Variants in ZNF443 observed in about 807,000 individuals in gnomAD.
ZNF443 encodes the protein zinc finger protein 443.
ZNF443 carries 3 observed loss-of-function variants against 12.0 expected under a neutral mutation model. The observed-to-expected ratio is 0.25, with a 90% CI of 0.11 to 0.64. ZNF443 has a LOEUF of 0.64. ZNF443 is among the 30% of genes least tolerant of loss of function. The pLI is 0.84. For synonymous variants in ZNF443, 225 were observed against 265.9 expected, an observed-to-expected ratio of 0.85 and a Z score of 1.50; for missense variants, 770 against 808.8, an observed-to-expected ratio of 0.95 and a Z score of 0.58.
At chr19:12,437,376 C>G (rs1305587990) in intron 1 of ZNF443, among the ~76,000 whole-genome samples, 3 of 149,062 alleles carry the variant, frequency 2.0e-5, no homozygotes, top group Non-Finnish European at 4.4e-5. Context: ...CCACTGCACT[C>G]TAGCCTAGGT....
chr19:12,430,760 T>A lies in ZNF443; in HGVS notation c.1412A>T (p.His471Leu). 4 of 1,613,528 alleles carry A rather than the reference T, an allele frequency of 2.5e-6. No homozygotes were observed. The highest frequency in any genetic ancestry group is 3.4e-6 in the Non-Finnish European group (4 of 1,179,560). Residue 471 changes from histidine to leucine, a missense_variant, in exon 4 of 4, where the codon CAT becomes CTT. Around this residue, in one of 3 missense-constraint regions of ZNF443, gnomAD observed 736 missense variants for 689.4 expected, o/e 1.07. Coordinates refer to ENST00000301547, the MANE Select transcript of ZNF443 (RefSeq NM_005815.5). ...GCATTTATAGGGTTTCTCTCCAGTA[T>A]GAGTTGTTTCATGCCTTCGAAGGGA... ...SSSLRRHETT[H>L]TGEKPYKCKL...
Position 12,431,229 on chromosome 19 carries a change from C to T in ZNF443, c.943G>A (p.Gly315Arg). Residue 315 changes from glycine (G) to arginine (R), a missense_variant, in exon 4 of 4, where the codon GGG becomes AGG. By Grantham distance (125) the Gly-to-Arg change is moderately radical. Coordinates refer to ENST00000301547, the MANE Select transcript of ZNF443 (RefSeq NM_005815.5). ...GAACCGGAAACACTGAAGGCTTTCC[C>T]ACATTGTTTACATGTATAGGGTTTC... ...GEKPYTCKQC[G>R]KAFSVSGSLQ... 6.2e-7 allele frequency: 1 copy of T among 1,613,976 alleles called. No homozygotes were observed. Among genetic ancestry groups the T allele is most frequent in the Non-Finnish European group, 8.5e-7 (1 of 1,179,940 alleles).
intron 1 of ZNF443, among the ~76,000 whole-genome samples, chr19:12,439,655 T>G (rs1970345406): frequency 6.6e-6 from 1 of 152,004 alleles, no homozygotes; most frequent in Admixed American, 6.6e-5. Flanking sequence ...CCCAGCTAAT[T>G]TTATTATTAT....
chr19:12,431,323 A>T lies in ZNF443; in HGVS notation c.849T>A (p.Cys283Ter). 1 of 1,614,150 alleles carries T rather than the reference A, an allele frequency of 6.2e-7. No homozygotes were observed. Among genetic ancestry groups the T allele is most frequent in the Non-Finnish European group, 8.5e-7 (1 of 1,179,990 alleles). The change falls in exon 4 of 4, where the codon TGT becomes TGA. Residue 283 changes from cysteine to a stop codon, truncating the protein, a stop_gained. Transcript: ENST00000301547. LOFTEE classifies it low-confidence loss of function (END_TRUNC). The stretch of plus-strand genomic sequence containing the variant: ...CAGGGAAGGCTTTAGAACACTGCTT[A>T]CATTTATATGGTTTCTCCCCAGTAT... Reference protein sequence around the residue: ...RTHTGEKPYKCKQCSKAFPDS... With the variant: ...RTHTGEKPYK
At position 12,430,491 on chromosome 19, in the gene ZNF443, C is replaced by G; in HGVS notation, c.1681G>C (p.Glu561Gln). The G allele has an allele frequency of 2.5e-6, 4 of 1,614,172 alleles. No individual in the cohort carries two copies. The South Asian group carries it at 4.4e-5, about 18-fold the overall frequency. ...AATGCTTTCCCACATTCCTTACATT[C>G]ATACGGCTTCTCTCCAGAGTGAATT... ...ERIHSGEKPY[E>Q]CKECGKAFSW... Residue 561 changes from glutamate to glutamine, a missense_variant, in exon 4 of 4, where the codon GAA becomes CAA. Physicochemically the swap from Glu to Gln is conservative, Grantham distance 29. Coordinates refer to ENST00000301547, the MANE Select transcript of ZNF443 (RefSeq NM_005815.5).
chr19:12,433,574 C>T (rs536928479), intron 1 of ZNF443, among the ~76,000 whole-genome samples: 13 of 152,250 alleles, frequency 8.5e-5, no homozygotes, highest in African/African-American at 3.1e-4. Flanking sequence ...CGTGTCCTTA[C>T]AAATGCTTTT....
intron 1 of ZNF443, among the ~76,000 whole-genome samples, chr19:12,440,147 C>T (rs1421702097): frequency 6.6e-6 from 1 of 151,902 alleles, no homozygotes; most frequent in African/African-American, 2.4e-5. Context: ...GACTCGTCGT[C>T]ACCGTGCAGC....
At chr19:12,432,307 C>A (rs74181652) in intron 3 of ZNF443, 70 bp downstream of exon 3, 3 of 1,313,412 alleles carry the variant, frequency 2.3e-6, no homozygotes. Context: ...TTCTTTGCTT[C>A]TTTTTAAATT....
chr19:12,436,876 A>G (rs1160939552), intron 1 of ZNF443, among the ~76,000 whole-genome samples: 6 of 83,202 alleles, frequency 7.2e-5, no homozygotes. Context: ...ATTGGATATC[A>G]TAAAGGTTTG....
At chr19:12,436,508 T>C (rs1970310428) in intron 1 of ZNF443, among the ~76,000 whole-genome samples, 1 of 151,700 alleles carries the variant, frequency 6.6e-6, no homozygotes, top group East Asian at 1.9e-4. Flanking sequence ...AATTTAGCCA[T>C]ATAGAATTTA....
intron 1 of ZNF443, among the ~76,000 whole-genome samples, chr19:12,437,876 G>A (rs1432463410): frequency 1.3e-5 from 2 of 151,732 alleles, no homozygotes; most frequent in Admixed American, 6.6e-5. Context: ...TGGATTGCCC[G>A]AGGTCAGGAG....
intron 1 of ZNF443, among the ~76,000 whole-genome samples, chr19:12,434,770 T>C (rs1398861187): frequency 6.6e-6 from 1 of 152,032 alleles, no homozygotes; most frequent in Non-Finnish European, 1.5e-5. Context: ...GTAGAGTTTT[T>C]ATTTGTCCTT....
chr19:12,437,416 A>AAAAAAGAAAGAAAG (rs367738853), intron 1 of ZNF443, among the ~76,000 whole-genome samples: 9 of 146,752 alleles, frequency 6.1e-5, no homozygotes, highest in African/African-American at 2.3e-4. Flanking sequence ...TCAAAAAAAA[A>AAAAAAGAAAGAAAG]AAAGAAACAA....
In ZNF443 at chr19:12,430,060, T is replaced by G; in HGVS notation, c.*96A>C. ...CTTAAGGCTTTACCAAGTGCTTACA[T>G]TCACAGGGTCTATCTCCAATGTGTT... is the stretch of plus-strand genomic sequence containing the variant. On this transcript the variant is annotated 3_prime_UTR_variant, in exon 4 of 4. Transcript: ENST00000301547. 6.3e-7 allele frequency: 1 copy of G among 1,588,520 alleles called. No homozygotes were observed. The highest frequency in any genetic ancestry group is 8.6e-7 in the Non-Finnish European group (1 of 1,166,944).
rs1970252864 is a variant in ZNF443, at chr19:12,431,431, A to C, written c.741T>G (p.His247Gln). ...YSSYLRHERT[H>Q]TGEKPYECKQ... is the part of the protein sequence containing the mutation. ...TACATTCATACGGTTTCTCCCCAGT[A>C]TGTGTTCTTTCATGTCTTAGATAGG... Residue 247 changes from histidine (H) to glutamine (Q), a missense_variant, in exon 4 of 4, where the codon CAT (histidine) becomes CAG (glutamine). His to Gln is a conservative substitution (Grantham distance 24, BLOSUM62 0). Transcript: ENST00000301547. 1 of 1,613,682 alleles carries C rather than the reference A, an allele frequency of 6.2e-7. No individual in the cohort carries two copies. The highest frequency in any genetic ancestry group is 8.5e-7 in the Non-Finnish European group (1 of 1,179,906).
At position 12,430,601 on chromosome 19, in the gene ZNF443, C is replaced by A. The variant is rs985398532; in HGVS notation, c.1571G>T (p.Arg524Met). Residue 524 changes from arginine (R) to methionine (M), a missense_variant, in exon 4 of 4, where the codon AGG becomes ATG. By Grantham distance (91) the Arg-to-Met change is moderately conservative (BLOSUM62 -1). This residue lies in a region of ZNF443 where 736 missense variants were observed against 689.4 expected (regional missense o/e 1.07). Coordinates refer to ENST00000301547, the MANE Select transcript of ZNF443 (RefSeq NM_005815.5). The part of the protein sequence containing the change: ...SRFRYLSRHK[R>M]THTGEKPYEC... Reference sequence around the variant, plus strand: ...ATAAGGTTTCTCTCCTGTGTGAGTCCTTTTATGTCGAGAAAGGTATCTGAA... The same window carrying A: ...ATAAGGTTTCTCTCCTGTGTGAGTCATTTTATGTCGAGAAAGGTATCTGAA... 7 of 1,613,410 alleles carry A rather than the reference C, an allele frequency of 4.3e-6. No homozygotes were observed. Among genetic ancestry groups the A allele is most frequent in the Non-Finnish European group, 5.9e-6 (7 of 1,179,770 alleles).
rs1970357018 is a variant in ZNF443 at position 12,440,799 on chromosome 19, G to T, written c.3+113C>A. 3.8e-6 allele frequency: 6 copies of T among 1,567,778 alleles called. No individual in the cohort carries two copies. The African/African-American group carries it at 5.4e-5, about 14-fold the overall frequency. On this transcript the variant is annotated intron_variant, in intron 1 of 3. Coordinates refer to ENST00000301547, the MANE Select transcript of ZNF443 (RefSeq NM_005815.5). ...GGCCGACCTACGCCAGGGGGACCCG[G>T]GTCCGTAGATCCCGAAGTCGCCCTT... is the stretch of plus-strand genomic sequence containing the variant.
At chr19:12,440,195 G>A (rs1250895625) in intron 1 of ZNF443, among the ~76,000 whole-genome samples, 1 of 147,378 alleles carries the variant, frequency 6.8e-6, no homozygotes, top group Non-Finnish European at 1.5e-5. Flanking sequence ...AGCCAGGCTG[G>A]AGGCGAGATT....
chr19:12,430,074 C>G lies in ZNF443; in HGVS notation c.*82G>C. 6.3e-7 allele frequency: 1 copy of G among 1,597,478 alleles called. No homozygotes were observed. Among genetic ancestry groups the G allele is most frequent in the Non-Finnish European group, 8.5e-7 (1 of 1,171,516 alleles). On this transcript the variant is annotated 3_prime_UTR_variant, in exon 4 of 4. Coordinates refer to ENST00000301547, the MANE Select transcript of ZNF443 (RefSeq NM_005815.5). ...AAGTGCTTACATTCACAGGGTCTAT[C>G]TCCAATGTGTTTCGTACAAGTATCT...
Sources: gnomAD v4.1 joint callset for allele counts (sites outside exome capture counted in the v4.1 genomes callset) on GRCh38, gnomAD v4.1.1 for gene constraint, gnomAD v4.1.1 regional missense constraint, MANE v1.5 for transcripts, NCBI Gene and HGNC (gene_info 2026-07-23, HGNC 2026-07-21) for gene names.